Variants in ATF7IP observed in about 807,000 individuals in gnomAD.
The protein encoded by ATF7IP is activating transcription factor 7 interacting protein.
In ATF7IP, 23 loss-of-function variants were observed where a neutral mutation model predicts 106.4. The observed-to-expected ratio is 0.22, with a 90% CI of 0.16 to 0.31. ATF7IP has a LOEUF of 0.31. ATF7IP is among the 10% of genes least tolerant of loss of function. ATF7IP has a pLI of 1.00. For missense variants in ATF7IP, 1,334 were observed against 1,524.3 expected (o/e 0.88, Z 2.08); for synonymous variants, 542 against 539.0 (o/e 1.01, Z -0.08).
In ATF7IP at chr12:14,500,418, A is replaced by G. The variant is rs971969287; in HGVS notation, c.*2345A>G. On this transcript the variant is annotated 3_prime_UTR_variant, in exon 15 of 15. Transcript: ENST00000261168. ...TCAAATTTGCCAACCAATTATGTAGATATTACTCATTCTAGGACTAATGAT... is the reference window on the plus strand; with the variant it reads ...TCAAATTTGCCAACCAATTATGTAGGTATTACTCATTCTAGGACTAATGAT... 2.6e-5 allele frequency: 4 copies of G among 152,210 alleles called. No individual in the cohort carries two copies. The highest frequency in any genetic ancestry group is 1.3e-4 in the Admixed American group (2 of 15,280). The allele number at this position is 152,210 out of a possible 1,614,324, so 9.4% of individuals were successfully genotyped here.
chr12:14,389,535 T>C (rs941994748), intron 1 of ATF7IP, among the ~76,000 whole-genome samples: 22 of 152,192 alleles, frequency 1.4e-4, no homozygotes, highest in African/African-American at 5.3e-4. Flanking sequence ...AAATTCTCTT[T>C]GAAAAAAATT....
At chr12:14,394,716 T>C (rs1048874244) in intron 1 of ATF7IP, 1 of 152,208 alleles carries the variant, frequency 6.6e-6, no homozygotes, top group African/African-American at 2.4e-5. Flanking sequence ...TACATTAGAA[T>C]AGCAGTAGTG....
chr12:14,436,640 C>T lies in ATF7IP; in HGVS notation c.1791+389C>T, dbSNP rs530425412. Among the ~76,000 whole-genome samples the T allele has an allele frequency of 8.5e-5, 13 of 152,098 alleles. No homozygotes were observed. The East Asian group carries it at 2.3e-3, about 27-fold the overall frequency. On this transcript the variant is annotated intron_variant, in intron 4 of 14. Transcript: ENST00000261168. ...CCGGGAGGTGGAGGTGGCAGTGAGC[C>T]GAGATCATGCCACTTCACTCCAGCC...
At chr12:14,486,520 G>T (rs184998692) in intron 13 of ATF7IP, among the ~76,000 whole-genome samples, 22 of 152,266 alleles carry the variant, frequency 1.4e-4, no homozygotes, top group Non-Finnish European at 2.4e-4. Context: ...TGATTGAGGG[G>T]TTATAATTCT....
chr12:14,497,565 T>C (rs895435974), intron 14 of ATF7IP, 89 bp from the exon 15 acceptor site: 61 of 1,279,312 alleles, frequency 4.8e-5, no homozygotes, highest in Non-Finnish European at 6.3e-5. Flanking sequence ...ATGATACTTC[T>C]ACGTATGTTC....
At chr12:14,431,939 A>G (rs559323903) in intron 2 of ATF7IP, among the ~76,000 whole-genome samples, 6 of 152,314 alleles carry the variant, frequency 3.9e-5, no homozygotes, top group African/African-American at 1.4e-4. Flanking sequence ...TTCCGTTACA[A>G]AAAACTCTAG....
intron 2 of ATF7IP, among the ~76,000 whole-genome samples, chr12:14,434,120 G>A (rs1942280722): frequency 6.6e-6 from 1 of 152,172 alleles, no homozygotes; most frequent in Admixed American, 6.5e-5. Context: ...TAAATCCTGT[G>A]TTGAGTTTGT....
At chr12:14,372,885 A>T (rs999117558) in intron 1 of ATF7IP, among the ~76,000 whole-genome samples, 3 of 152,164 alleles carry the variant, frequency 2.0e-5, no homozygotes, top group African/African-American at 7.2e-5. Flanking sequence ...TCTAATAAGA[A>T]ATTTGATTTG....
At chr12:14,453,066 C>A (rs1172580093) in intron 6 of ATF7IP, among the ~76,000 whole-genome samples, 1 of 152,102 alleles carries the variant, frequency 6.6e-6, no homozygotes, top group African/African-American at 2.4e-5. Context: ...GCTGAGATAT[C>A]TGCGTGTTAT....
At chr12:14,422,547 ACTC>A (rs1413592695) in intron 1 of ATF7IP, among the ~76,000 whole-genome samples, 2 of 151,988 alleles carry the variant, frequency 1.3e-5, no homozygotes, top group Non-Finnish European at 2.9e-5. Flanking sequence ...TTTAGCAGCT[ACTC>A]CTCATTTTCT....
At chr12:14,387,871 A>G (rs1939325501) in intron 1 of ATF7IP, among the ~76,000 whole-genome samples, 1 of 152,128 alleles carries the variant, frequency 6.6e-6, no homozygotes, top group African/African-American at 2.4e-5. Flanking sequence ...TTCATGAACA[A>G]TTTCATCTGC....
At chr12:14,445,251 A>T (rs551129662) in intron 5 of ATF7IP, among the ~76,000 whole-genome samples, 2 of 152,208 alleles carry the variant, frequency 1.3e-5, no homozygotes, top group Admixed American at 6.5e-5. Context: ...AGCCTCCCAA[A>T]GTATTGGGAT....
At chr12:14,437,465 A>G (rs1942455137) in intron 4 of ATF7IP, among the ~76,000 whole-genome samples, 1 of 152,166 alleles carries the variant, frequency 6.6e-6, no homozygotes, top group Admixed American at 6.5e-5. Context: ...GAAGGTAGCT[A>G]TGTGAAAGAA....
intron 2 of ATF7IP, 66 bp downstream of exon 2, chr12:14,425,539 A>G: frequency 1.4e-6 from 2 of 1,419,594 alleles, no homozygotes; most frequent in South Asian, 1.6e-5. Context: ...ATAAAACATT[A>G]TCATAATGTT....
In ATF7IP at chr12:14,498,237, C is replaced by A; in HGVS notation, c.*164C>A. On this transcript the variant is annotated 3_prime_UTR_variant, in exon 15 of 15. Transcript: ENST00000261168. ...ATAACCAGAAGCAAAATAAACTCAG[C>A]CCACAAAGCTAGAATCTTTTCCTGG... 2 of 649,368 alleles carry A rather than the reference C, an allele frequency of 3.1e-6. No homozygotes were observed. Among genetic ancestry groups the A allele is most frequent in the Non-Finnish European group, 5.1e-6 (2 of 389,476 alleles). The allele number at this position is 649,368 out of a possible 1,614,324, so 40.2% of individuals were successfully genotyped here. A position where few individuals can be genotyped will look rare whatever the true frequency, so the allele number is the denominator to read the frequency against.
At chr12:14,491,359 C>G (rs1472400519) in intron 13 of ATF7IP, among the ~76,000 whole-genome samples, 2 of 152,214 alleles carry the variant, frequency 1.3e-5, no homozygotes, top group East Asian at 3.9e-4. Flanking sequence ...ACTAGTCTTT[C>G]ACCTTAACAG....
chr12:14,420,275 GTA>G (rs1251703747), intron 1 of ATF7IP: 1 of 152,078 alleles, frequency 6.6e-6, no homozygotes, highest in Non-Finnish European at 1.5e-5. Flanking sequence ...CTATTCTTGG[GTA>G]TCTCAATAAA....
chr12:14,405,403 C>CTTTTTTTTTTTT (rs145211652), intron 1 of ATF7IP, among the ~76,000 whole-genome samples: 1 of 83,568 alleles, frequency 1.2e-5, no homozygotes, highest in Non-Finnish European at 2.2e-5. Flanking sequence ...TTTCTTTCAT[C>CTTTTTTTTTTTT]TTTTTTTTTT....
At chr12:14,406,932 A>T (rs1242131225) in intron 1 of ATF7IP, among the ~76,000 whole-genome samples, 1 of 152,184 alleles carries the variant, frequency 6.6e-6, no homozygotes, top group African/African-American at 2.4e-5. Context: ...TTAAAAATCT[A>T]ACCACTGTTA....
Sources: allele counts gnomAD v4.1 joint callset (sites outside exome capture counted in the v4.1 genomes callset), GRCh38; gene constraint gnomAD v4.1.1; transcripts MANE v1.5; gene names NCBI Gene and HGNC (gene_info 2026-07-23, HGNC 2026-07-21).